Variants in RSPH14 observed in about 807,000 individuals in gnomAD.
RSPH14 encodes the protein rhabdoid tumor deletion region gene 1.
Under a neutral mutation model 26.7 loss-of-function variants are expected in RSPH14, and 20 were observed. That is an observed-to-expected ratio of 0.75 (90% CI 0.53 to 1.09). The LOEUF (loss-of-function observed/expected upper bound fraction) is 1.09, where lower values mean the gene tolerates loss of function less well. Ranked by LOEUF, RSPH14 falls within the 50% of genes least tolerant of loss-of-function variation. RSPH14 has a pLI of 0.00. For missense variants in RSPH14, 449 were observed against 457.2 expected (o/e 0.98, Z 0.16); for synonymous variants, 177 against 189.3 (o/e 0.93, Z 0.53).
At chr22:23,139,066 T>C (rs2070540313) in intron 2 of RSPH14, 124 bp from the exon 3 acceptor site, 1 of 685,592 alleles carries the variant, frequency 1.5e-6, no homozygotes, top group Non-Finnish European at 2.5e-6. Context: ...TTCTGCTGCT[T>C]TGGGGCACTG....
chr22:23,170,061 C>T, the RSPH14 span, among the ~76,000 whole-genome samples: 90 of 148,836 alleles, frequency 6.0e-4, no homozygotes, highest in Non-Finnish European at 9.6e-4. Flanking sequence ...TGTGCCACTG[C>T]ACTCCCTCCT....
At chr22:23,082,082 G>A (rs1158949952) in intron 4 of RSPH14, among the ~76,000 whole-genome samples, 1 of 148,380 alleles carries the variant, frequency 6.7e-6, no homozygotes, top group East Asian at 2.0e-4. Context: ...CCGAGATCGT[G>A]CCGCTGCACT....
chr22:23,147,012 C>T (rs954667261), upstream of RSPH14, among the ~76,000 whole-genome samples: 1 of 152,182 alleles, frequency 6.6e-6, no homozygotes, highest in African/African-American at 2.4e-5. Flanking sequence ...GCCACTGTTA[C>T]ATGAAGGTAA....
chr22:23,067,512 G>A (rs1288875610), intron 4 of RSPH14, among the ~76,000 whole-genome samples: 1 of 152,220 alleles, frequency 6.6e-6, no homozygotes, highest in Non-Finnish European at 1.5e-5. Context: ...CTTTAGCCTT[G>A]CATGGCCCTG....
intron 4 of RSPH14, among the ~76,000 whole-genome samples, chr22:23,086,078 T>C (rs1569166319): frequency 6.6e-6 from 1 of 152,268 alleles, no homozygotes; most frequent in South Asian, 2.1e-4. Context: ...TACTTCTGTC[T>C]ACGGCGGGTG....
intron 4 of RSPH14, among the ~76,000 whole-genome samples, chr22:23,109,769 C>A (rs372086242): frequency 6.6e-6 from 1 of 152,200 alleles, no homozygotes; most frequent in Non-Finnish European, 1.5e-5. Context: ...GCTGCCCCAG[C>A]CCTGGAAGCT....
intron 4 of RSPH14, among the ~76,000 whole-genome samples, chr22:23,110,173 G>A (rs2069605876): frequency 1.3e-5 from 2 of 152,294 alleles, no homozygotes; most frequent in Non-Finnish European, 2.9e-5. Context: ...CTTTCCTTGG[G>A]GCAAGGGTAG....
the RSPH14 span, among the ~76,000 whole-genome samples, chr22:23,168,154 C>G: frequency 1.2e-4 from 19 of 152,196 alleles, no homozygotes; most frequent in African/African-American, 4.6e-4. Flanking sequence ...ACTCCTCCCG[C>G]AGCCCACACG....
chr22:23,135,547 G>T (rs2070461494), intron 3 of RSPH14, among the ~76,000 whole-genome samples: 4 of 151,090 alleles, frequency 2.6e-5, no homozygotes, highest in Non-Finnish European at 5.9e-5. Context: ...TTCTAGAAGG[G>T]TTTTGCATAC....
intron 4 of RSPH14, among the ~76,000 whole-genome samples, chr22:23,088,122 C>CT: frequency 6.6e-6 from 1 of 152,356 alleles, no homozygotes; most frequent in East Asian, 1.9e-4. Context: ...AGTTAAATCT[C>CT]TTTCACTGTC....
chr22:23,177,239 C>T, the RSPH14 span, among the ~76,000 whole-genome samples: 32 of 152,312 alleles, frequency 2.1e-4, no homozygotes, highest in African/African-American at 7.5e-4. Flanking sequence ...GGCATCACCT[C>T]CCCTGGCAAG....
At chr22:23,157,659 C>A in the RSPH14 span, among the ~76,000 whole-genome samples, 1 of 152,232 alleles carries the variant, frequency 6.6e-6, no homozygotes, top group African/African-American at 2.4e-5. Flanking sequence ...AAAACTGAGG[C>A]TCTCAGCAGT....
chr22:23,153,561 G>A, the RSPH14 span: 1 of 985,204 alleles, frequency 1.0e-6, no homozygotes, highest in Non-Finnish European at 1.2e-6. Context: ...CTGCATGCCA[G>A]GCTTGGGCAA....
chr22:23,123,250 C>G, intron 4 of RSPH14: 1 of 1,614,162 alleles, frequency 6.2e-7, no homozygotes, highest in Non-Finnish European at 8.5e-7. Context: ...GGCCAGAACA[C>G]GTACGAGGAG....
chr22:23,171,246 G>A, the RSPH14 span, among the ~76,000 whole-genome samples: 2 of 152,238 alleles, frequency 1.3e-5, no homozygotes, highest in Non-Finnish European at 2.9e-5. Flanking sequence ...GATTACAGGC[G>A]TGAGCCACTG....
intron 4 of RSPH14, among the ~76,000 whole-genome samples, chr22:23,082,695 T>G (rs2068716876): frequency 6.6e-6 from 1 of 152,060 alleles, no homozygotes; most frequent in Admixed American, 6.6e-5. Flanking sequence ...GAAGCCCCTC[T>G]TTCCCCAGGA....
the RSPH14 span, among the ~76,000 whole-genome samples, chr22:23,171,703 G>A: frequency 1.3e-5 from 2 of 152,116 alleles, no homozygotes; most frequent in Non-Finnish European, 2.9e-5. Flanking sequence ...TTAGCCAGGC[G>A]TGGTGGCACG....
At chr22:23,180,483 C>T in the RSPH14 span, 2 of 166,786 alleles carry the variant, frequency 1.2e-5, no homozygotes, top group Admixed American at 6.4e-5. Context: ...GCGGCCACCT[C>T]CCCCCGGCCC....
intron 4 of RSPH14, among the ~76,000 whole-genome samples, chr22:23,130,730 ACTCT>A (rs1038152983): frequency 6.6e-6 from 1 of 152,112 alleles, no homozygotes; most frequent in African/African-American, 2.4e-5. Flanking sequence ...GAATGAACAC[ACTCT>A]CTCCAGAGGC....
Sources: allele counts gnomAD v4.1 joint callset (sites outside exome capture counted in the v4.1 genomes callset), GRCh38; gene constraint gnomAD v4.1.1; transcripts MANE v1.5; gene names NCBI Gene and HGNC (gene_info 2026-07-23, HGNC 2026-07-21).